The following SYN2 variants were observed in gnomAD, a reference collection of about 807,000 sequenced individuals.
The protein encoded by SYN2 is synapsin-2.
In SYN2, 19 loss-of-function variants were observed where a neutral mutation model predicts 50.9. That is an observed-to-expected ratio of 0.37 (90% CI 0.26 to 0.55). The LOEUF (loss-of-function observed/expected upper bound fraction) is 0.55, where lower values mean the gene tolerates loss of function less well. SYN2 is among the 20% of genes least tolerant of loss of function. The pLI is 0.81. For missense variants in SYN2, 587 were observed against 576.4 expected, an observed-to-expected ratio of 1.02 and a Z score of -0.19; for synonymous variants, 255 against 224.9, an observed-to-expected ratio of 1.13 and a Z score of -1.20.
intron 3 of SYN2, among the ~76,000 whole-genome samples, chr3:12,143,855 A>G (rs542890200): frequency 5.3e-5 from 8 of 152,336 alleles, no homozygotes; most frequent in Non-Finnish European, 8.8e-5. Flanking sequence ...TCTTTGAGAA[A>G]TCTTTATATT....
chr3:12,129,036 A>G (rs995235364), intron 1 of SYN2, among the ~76,000 whole-genome samples: 15 of 152,262 alleles, frequency 9.9e-5, no homozygotes, highest in African/African-American at 3.6e-4. Context: ...ATTTCAAAAT[A>G]GAAATAACGA....
intron 1 of SYN2, among the ~76,000 whole-genome samples, chr3:12,023,346 T>C (rs1694186087): frequency 6.6e-6 from 1 of 152,050 alleles, no homozygotes; most frequent in Non-Finnish European, 1.5e-5. Context: ...AATTGAAGTT[T>C]ATAAAGTAGT....
intron 12 of SYN2, among the ~76,000 whole-genome samples, chr3:12,188,633 C>G (rs540953302): frequency 6.6e-6 from 1 of 151,924 alleles, no homozygotes; most frequent in Non-Finnish European, 1.5e-5. Flanking sequence ...TTCTCAAAGC[C>G]GAGCTACTCC....
intron 5 of SYN2, chr3:12,153,705 G>A: frequency 6.2e-7 from 1 of 1,614,200 alleles, no homozygotes; most frequent in Non-Finnish European, 8.5e-7. Context: ...TGTGTAGCAG[G>A]TGGTGATCTA....
Position 12,192,032 on chromosome 3 carries a change from A to G in SYN2, c.*1407A>G, listed in dbSNP as rs926077961. 6.6e-6 allele frequency among the ~76,000 whole-genome samples: 1 copy of G among 152,228 alleles called. No homozygotes were observed. The highest frequency in any genetic ancestry group is 1.5e-5 in the Non-Finnish European group (1 of 68,042). On this transcript the variant is annotated 3_prime_UTR_variant, in exon 13 of 13. Transcript: ENST00000621198. ...AAAAAATCCATATATTAAAATGTTA[A>G]TATCTGAATGTTAATAAGTATCTAG... is the stretch of plus-strand genomic sequence containing the variant.
chr3:12,137,718 A>T (rs1696925452), intron 1 of SYN2, among the ~76,000 whole-genome samples: 1 of 152,342 alleles, frequency 6.6e-6, no homozygotes, highest in South Asian at 2.1e-4. Context: ...GTTTAAAAAA[A>T]TTTATGTAGC....
chr3:12,071,211 G>T, intron 1 of SYN2: 1 of 552,988 alleles, frequency 1.8e-6, no homozygotes, highest in Non-Finnish European at 3.7e-6. Context: ...CCAGCACCAT[G>T]AAGATCAAGA....
chr3:12,037,647 C>G (rs1393698353), intron 1 of SYN2, among the ~76,000 whole-genome samples: 1 of 152,100 alleles, frequency 6.6e-6, no homozygotes, highest in Non-Finnish European at 1.5e-5. Flanking sequence ...TTATCAAGAA[C>G]CTACTCCTGA....
At chr3:12,142,125 A>G (rs1407641623) in intron 3 of SYN2, 129 bp downstream of exon 3, 2 of 619,534 alleles carry the variant, frequency 3.2e-6, no homozygotes, top group Non-Finnish European at 5.9e-6. Flanking sequence ...ACAGAATTTA[A>G]TGATGTGAGT....
intron 1 of SYN2, among the ~76,000 whole-genome samples, chr3:12,055,549 A>G (rs775500487): frequency 1.4e-4 from 22 of 152,168 alleles, no homozygotes; most frequent in Non-Finnish European, 2.8e-4. Context: ...CTGTGGTTCA[A>G]TTTTTGGAGA....
intron 1 of SYN2, among the ~76,000 whole-genome samples, chr3:12,063,922 C>T (rs1559405302): frequency 1.3e-5 from 2 of 151,958 alleles, no homozygotes; most frequent in Non-Finnish European, 2.9e-5. Flanking sequence ...AATATAACTT[C>T]CCACCCCTTA....
At chr3:12,150,662 TG>T (rs1450824348) in intron 4 of SYN2, among the ~76,000 whole-genome samples, 1 of 152,216 alleles carries the variant, frequency 6.6e-6, no homozygotes, top group Non-Finnish European at 1.5e-5. Context: ...CCAGAAAGAC[TG>T]GGCCTGTCTA....
At chr3:12,097,693 T>C (rs560767683) in intron 1 of SYN2, among the ~76,000 whole-genome samples, 182 of 152,088 alleles carry the variant, frequency 1.2e-3, no homozygotes, top group Non-Finnish European at 7.8e-4. Context: ...GATGAGTTCA[T>C]GTCCTTTGTA....
chr3:12,087,459 T>C (rs936084028), intron 1 of SYN2, among the ~76,000 whole-genome samples: 1 of 152,096 alleles, frequency 6.6e-6, no homozygotes, highest in Non-Finnish European at 1.5e-5. Context: ...GATTTCAAAA[T>C]ACATTTTAAA....
At chr3:12,101,894 C>T (rs1696085033) in intron 1 of SYN2, among the ~76,000 whole-genome samples, 1 of 152,012 alleles carries the variant, frequency 6.6e-6, no homozygotes, top group Non-Finnish European at 1.5e-5. Flanking sequence ...GTCCAGTTGC[C>T]TGGGGGATAC....
At chr3:12,058,711 A>G (rs1695051731) in intron 1 of SYN2, among the ~76,000 whole-genome samples, 1 of 152,124 alleles carries the variant, frequency 6.6e-6, no homozygotes, top group Admixed American at 6.6e-5. Context: ...GGTACTAGAG[A>G]TGTATTTGAT....
intron 1 of SYN2, among the ~76,000 whole-genome samples, chr3:12,106,773 A>G (rs369545777): frequency 2.0e-5 from 3 of 152,304 alleles, no homozygotes; most frequent in East Asian, 1.9e-4. Context: ...TGATTATTAT[A>G]TAGCATATTT....
chr3:12,009,426 G>A (rs1465929604), intron 1 of SYN2, among the ~76,000 whole-genome samples: 1 of 151,746 alleles, frequency 6.6e-6, no homozygotes, highest in Non-Finnish European at 1.5e-5. Context: ...ACTATCTCAA[G>A]GACTGGTGGG....
At chr3:12,015,913 T>G (rs1488108393) in intron 1 of SYN2, among the ~76,000 whole-genome samples, 1 of 152,222 alleles carries the variant, frequency 6.6e-6, no homozygotes, top group African/African-American at 2.4e-5. Context: ...TATATACCTC[T>G]TATCTCTTTC....
Sources: allele counts gnomAD v4.1 joint callset (sites outside exome capture counted in the v4.1 genomes callset), GRCh38; gene constraint gnomAD v4.1.1; transcripts MANE v1.5; gene names NCBI Gene and HGNC (gene_info 2026-07-23, HGNC 2026-07-21).